FAT1: variants seen among roughly 807,000 people sequenced by gnomAD.
The protein encoded by FAT1 is protocadherin Fat 1.
FAT1 carries 171 observed loss-of-function variants against 329.8 expected under a neutral mutation model. The ratio of observed to expected loss-of-function variants is 0.52; its 90% CI spans 0.46 to 0.59. The LOEUF is 0.59. Ranked by LOEUF, FAT1 falls within the 20% of genes least tolerant of loss-of-function variation. The probability of loss-of-function intolerance (pLI) is 0.00; values close to 1 mark genes in which losing one functional copy is unlikely to be tolerated. For missense variants in FAT1, 5,672 were observed against 5,774.4 expected (o/e 0.98, Z 0.57); for synonymous variants, 2,233 against 2,228.6 (o/e 1.00, Z -0.06).
At chr4:186,644,208 C>CT (rs1366603592) in intron 3 of FAT1, among the ~76,000 whole-genome samples, 1 of 152,126 alleles carries the variant, frequency 6.6e-6, no homozygotes, top group Non-Finnish European at 1.5e-5. Flanking sequence ...TCCATGAACT[C>CT]TGAACTGTGA....
At position 186,613,255 on chromosome 4, in the gene FAT1, A is replaced by G. The variant is rs1402260502; in HGVS notation, c.9317T>C (p.Phe3106Ser). 6 of 1,613,996 alleles carry G rather than the reference A, an allele frequency of 3.7e-6. No homozygotes were observed. Among genetic ancestry groups the G allele is most frequent in the Non-Finnish European group, 2.5e-6 (3 of 1,179,878 alleles). ...CGTGAGCACAATACTGGCTTGGCAG[A>G]ATCTTCCTCCTCCATCTGTGGCCCT... ...LVRATDGGGR[F>S]CQASIVLTLE... The change falls in exon 13 of 27, where the codon TTC becomes TCC. Residue 3106 changes from phenylalanine to serine, a missense_variant. Physicochemically the swap from Phe to Ser is radical, Grantham distance 155. This residue lies in a region of FAT1 where 3,966 missense variants were observed against 3,915.2 expected (regional missense o/e 1.01). Transcript: ENST00000441802.
chr4:186,670,912 C>A (rs967605337), intron 2 of FAT1, among the ~76,000 whole-genome samples: 1 of 152,108 alleles, frequency 6.6e-6, no homozygotes, highest in Non-Finnish European at 1.5e-5. Context: ...CTATTATGGA[C>A]TTCAGTTAGT....
chr4:186,635,946 G>T, intron 6 of FAT1, 79 bp downstream of exon 6: 1 of 1,259,418 alleles, frequency 7.9e-7, no homozygotes, highest in Non-Finnish European at 1.1e-6. Flanking sequence ...CCTGACTTGT[G>T]CCCAAAACTC....
chr4:186,686,240 C>CG (rs939070815), intron 2 of FAT1, among the ~76,000 whole-genome samples: 22 of 143,316 alleles, frequency 1.5e-4, no homozygotes, highest in Non-Finnish European at 2.2e-4. Context: ...GAATTTTCAC[C>CG]CCCCCCCGAC....
At position 186,648,047 on chromosome 4, in the gene FAT1, T is replaced by C. The variant is rs575841702; in HGVS notation, c.3581-8264A>G. Among the ~76,000 whole-genome samples the C allele has an allele frequency of 3.6e-3, 541 of 152,300 alleles. 4 individuals are homozygous for C. Among genetic ancestry groups the C allele is most frequent in the Non-Finnish European group, 5.6e-3 (383 of 68,034 alleles). ...TACAAAAACCAGCAAGGCAAGGGGC[T>C]GATGAGACATGCATATGTGTGTACG... On this transcript the variant is annotated intron_variant, in intron 3 of 26. Transcript: ENST00000441802.
intron 4 of FAT1, among the ~76,000 whole-genome samples, chr4:186,639,456 G>A (rs1173554179): frequency 6.6e-6 from 1 of 152,204 alleles, no homozygotes; most frequent in African/African-American, 2.4e-5. Flanking sequence ...CGCCCCCTGT[G>A]TGTGCGCAAG....
At position 186,628,770 on chromosome 4, in the gene FAT1, T is replaced by C. The variant is rs888138640; in HGVS notation, c.4324-7A>G. ...CTATTACTTTGATGAATACCTGTAA[T>C]GGATGACAAAATGACTCATACAATA... is the stretch of plus-strand genomic sequence containing the variant. On this transcript the variant is annotated splice_region_variant and splice_polypyrimidine_tract_variant and intron_variant, in intron 7 of 26. Coordinates refer to ENST00000441802, the MANE Select transcript of FAT1 (RefSeq NM_005245.4). 3.7e-6 allele frequency: 6 copies of C among 1,609,248 alleles called. No individual in the cohort carries two copies. In the East Asian group the frequency reaches 8.9e-5, roughly 24 times the overall value.
rs1487849361 is a variant in FAT1 at position 186,678,539 on chromosome 4, G to A, written c.3266-14926C>T. ...TCTATTATCACTTTATTTTATACATGTATAGCTATGTAAATATATTACATA... is the reference window on the plus strand; with the variant it reads ...TCTATTATCACTTTATTTTATACATATATAGCTATGTAAATATATTACATA... On this transcript the variant is annotated intron_variant, in intron 2 of 26. Transcript: ENST00000441802. Among the ~76,000 whole-genome samples, 3 of 148,398 alleles carry A rather than the reference G, an allele frequency of 2.0e-5. No individual in the cohort carries two copies. In the East Asian group the frequency reaches 5.8e-4, roughly 29 times the overall value.
intron 2 of FAT1, among the ~76,000 whole-genome samples, chr4:186,674,904 G>C (rs1431260959): frequency 1.3e-5 from 2 of 151,898 alleles, no homozygotes; most frequent in East Asian, 3.9e-4. Context: ...CATGGTGGCA[G>C]GCACCTGTAG....
chr4:186,663,281 A>G lies in FAT1; in HGVS notation c.3580+18T>C, dbSNP rs767940464. Reference sequence around the variant, plus strand: ...AAGCATAAGCATAAACATTTCCTATAGCAGTATTAACACATACCTGTTTTA... The same window carrying G: ...AAGCATAAGCATAAACATTTCCTATGGCAGTATTAACACATACCTGTTTTA... On this transcript the variant is annotated intron_variant, in intron 3 of 26. Transcript: ENST00000441802. 3.2e-6 allele frequency: 5 copies of G among 1,572,928 alleles called. No individual in the cohort carries two copies. The East Asian group carries it at 6.8e-5, about 21-fold the overall frequency.
upstream of FAT1, chr4:186,723,891 C>G (rs918151566): frequency 6.6e-6 from 1 of 150,754 alleles, no homozygotes; most frequent in African/African-American, 2.4e-5. Flanking sequence ...CCCGGCCCCG[C>G]CCGCCGGCGC....
Position 186,669,487 on chromosome 4 carries a change from G to T in FAT1, c.3266-5874C>A, listed in dbSNP as rs1375813972. 2.6e-5 allele frequency among the ~76,000 whole-genome samples: 4 copies of T among 152,214 alleles called. No homozygotes were observed. In the East Asian group the frequency reaches 7.7e-4, roughly 29 times the overall value. On this transcript the variant is annotated intron_variant, in intron 2 of 26. Coordinates refer to ENST00000441802, the MANE Select transcript of FAT1 (RefSeq NM_005245.4). Reference sequence around the variant, plus strand: ...TTACCTGAATGAAGCATTACGGAAGGAATGAAAGCCTAGCTTTCCAACCTC... The same window carrying T: ...TTACCTGAATGAAGCATTACGGAAGTAATGAAAGCCTAGCTTTCCAACCTC...
At chr4:186,701,625 C>T (rs1744316534) in intron 2 of FAT1, among the ~76,000 whole-genome samples, 1 of 152,218 alleles carries the variant, frequency 6.6e-6, no homozygotes, top group Admixed American at 6.5e-5. Flanking sequence ...AGCAGCCACC[C>T]AGCTCTCAGC....
chr4:186,707,156 T>C lies in FAT1; in HGVS notation c.2672A>G (p.His891Arg), dbSNP rs779654165. Residue 891 changes from histidine (H) to arginine (R), a missense_variant, in exon 2 of 27, where the codon CAC (histidine) becomes CGC (arginine). Physicochemically the swap from His to Arg is conservative, Grantham distance 29 (BLOSUM62 0). Transcript: ENST00000441802. ...RPLDRELQHE[H>R]SLKIEARDQA... The stretch of plus-strand genomic sequence containing the variant: ...GTCCCTGGCCTCAATCTTTAAGGAG[T>C]GCTCATGCTGCAGCTCTCGATCCAG... The C allele has an allele frequency of 7.4e-6, 12 of 1,613,778 alleles. No homozygotes were observed. Among genetic ancestry groups the C allele is most frequent in the Admixed American group, 3.3e-5 (2 of 60,008 alleles).
In FAT1 at chr4:186,614,198, T is replaced by G. The variant is rs374658810; in HGVS notation, c.9222A>C (p.Pro3074=). ...GSGAEKFKLN[P]DTGELKTSTP... ...CCCAAACTCCATCATTACCTGTGTC[T>G]GGATTTAGTTTGAATTTTTCTGCAC... Residue 3074 remains proline, a synonymous_variant, in exon 12 of 27, where the codon CCA becomes CCC. Transcript: ENST00000441802. 1 of 1,598,998 alleles carries G rather than the reference T, an allele frequency of 6.3e-7. No individual in the cohort carries two copies. Among genetic ancestry groups the G allele is most frequent in the South Asian group, 1.1e-5 (1 of 87,318 alleles).
chr4:186,677,340 C>T (rs1276350071), intron 2 of FAT1, among the ~76,000 whole-genome samples: 5 of 152,102 alleles, frequency 3.3e-5, no homozygotes, highest in East Asian at 1.9e-4. Flanking sequence ...TCCTTTTATG[C>T]TAACGCTTCA....
intron 2 of FAT1, among the ~76,000 whole-genome samples, chr4:186,687,262 T>C (rs1366300809): frequency 3.3e-5 from 5 of 152,208 alleles, no homozygotes; most frequent in African/African-American, 9.6e-5. Flanking sequence ...ACTGAATTAG[T>C]ATTTTCCACT....
chr4:186,725,457 A>G (rs545330905), upstream of FAT1, among the ~76,000 whole-genome samples: 2 of 152,092 alleles, frequency 1.3e-5, no homozygotes, highest in Non-Finnish European at 2.9e-5. This position sits in a 1 kb window ranked among gnomAD's most constrained non-coding sequence, Gnocchi z 5.4. Context: ...TTAATTAATA[A>G]GTAATAACGC....
rs2126393849 is a variant in FAT1 at position 186,597,036 on chromosome 4, G to A, written c.12504C>T (p.Asn4168=). The A allele has an allele frequency of 6.2e-7, 1 of 1,613,990 alleles. No individual in the cohort carries two copies. The highest frequency in any genetic ancestry group is 8.5e-7 in the Non-Finnish European group (1 of 1,179,894). ...RGRHCEDAAP[N]QYVSTPWNIG... ...TGTTCCACGGCGTGGACACATACTG[G>A]TTGGGCGCAGCATCCTCGCAGTGAC... Residue 4168 remains asparagine, a synonymous_variant, in exon 25 of 27, where the codon AAC becomes AAT. Transcript: ENST00000441802.
Sources: allele counts gnomAD v4.1 joint callset (sites outside exome capture counted in the v4.1 genomes callset), GRCh38; gene constraint gnomAD v4.1.1; regional missense constraint gnomAD v4.1.1; non-coding constraint Gnocchi (gnomAD v3.1); transcripts MANE v1.5; gene names NCBI Gene and HGNC (gene_info 2026-07-23, HGNC 2026-07-21).